The following CNTNAP5 variants were observed in gnomAD, a reference collection of about 807,000 sequenced individuals.
CNTNAP5 encodes the protein contactin-associated protein-like 5.
Under a neutral mutation model 150.2 loss-of-function variants are expected in CNTNAP5, and 72 were observed. The ratio of observed to expected loss-of-function variants is 0.48; its 90% CI spans 0.40 to 0.58. The LOEUF is 0.58. CNTNAP5 is among the 20% of genes least tolerant of loss of function. CNTNAP5 has a pLI of 0.00. For missense variants in CNTNAP5, 1,636 were observed against 1,626.2 expected, an observed-to-expected ratio of 1.01 and a Z score of -0.10; for synonymous variants, 672 against 619.8, an observed-to-expected ratio of 1.08 and a Z score of -1.25.
At chr2:124,680,681 G>C (rs1408258663) in intron 13 of CNTNAP5, 1 of 151,724 alleles carries the variant, frequency 6.6e-6, no homozygotes, top group Non-Finnish European at 1.5e-5. Context: ...GTTGGAAATT[G>C]GTCATTCAAT....
At chr2:124,070,276 C>T (rs1306276032) in intron 1 of CNTNAP5, among the ~76,000 whole-genome samples, 1 of 150,328 alleles carries the variant, frequency 6.7e-6, no homozygotes, top group Admixed American at 6.6e-5. Context: ...GAAGCAAAAC[C>T]ACAAAACCAC....
chr2:124,690,107 G>C (rs1053052640), intron 13 of CNTNAP5, among the ~76,000 whole-genome samples: 1 of 151,952 alleles, frequency 6.6e-6, no homozygotes, highest in Non-Finnish European at 1.5e-5. Context: ...TTAAGCACCA[G>C]TATGAATTCT....
intron 12 of CNTNAP5, among the ~76,000 whole-genome samples, chr2:124,622,129 C>G (rs1383104824): frequency 1.3e-5 from 2 of 151,960 alleles, no homozygotes; most frequent in Non-Finnish European, 2.9e-5. Flanking sequence ...GAACCCCCAC[C>G]CTTTGACAAG....
At chr2:124,882,705 G>A (rs1391529566) in intron 21 of CNTNAP5, among the ~76,000 whole-genome samples, 3 of 152,052 alleles carry the variant, frequency 2.0e-5, no homozygotes, top group East Asian at 1.9e-4. Context: ...ATATGTGTAC[G>A]TCTGTTTTCA....
At chr2:124,032,614 C>A (rs1460805203) in intron 1 of CNTNAP5, among the ~76,000 whole-genome samples, 2 of 151,922 alleles carry the variant, frequency 1.3e-5, no homozygotes, top group African/African-American at 2.4e-5. Flanking sequence ...AAATTTAAGA[C>A]CTAGGCATAT....
chr2:124,737,897 G>A (rs1680420406), intron 13 of CNTNAP5, among the ~76,000 whole-genome samples: 1 of 150,474 alleles, frequency 6.6e-6, no homozygotes, highest in Non-Finnish European at 1.5e-5. Flanking sequence ...TGTTGTTGTG[G>A]AGAGTAAATA....
chr2:124,682,849 A>G (rs17011852), intron 13 of CNTNAP5, among the ~76,000 whole-genome samples: 3,788 of 152,306 alleles, frequency 0.025, 51 homozygotes, highest in Non-Finnish European at 0.041. Context: ...ATGGAAAAGG[A>G]TGTTGGCTAA....
intron 1 of CNTNAP5, among the ~76,000 whole-genome samples, chr2:124,079,704 T>C (rs1682517317): frequency 6.6e-6 from 1 of 152,180 alleles, no homozygotes; most frequent in African/African-American, 2.4e-5. Flanking sequence ...TATGTGCGTG[T>C]GTATGAGCAT....
chr2:124,655,087 A>G (rs868175974), intron 13 of CNTNAP5, among the ~76,000 whole-genome samples: 1 of 152,004 alleles, frequency 6.6e-6, no homozygotes, highest in Non-Finnish European at 1.5e-5. Flanking sequence ...TCAACCCGCC[A>G]TCTAGGTTTT....
At chr2:124,688,055 T>C (rs952048589) in intron 13 of CNTNAP5, among the ~76,000 whole-genome samples, 2 of 152,076 alleles carry the variant, frequency 1.3e-5, no homozygotes, top group African/African-American at 4.8e-5. Context: ...CTTTATTTCC[T>C]TGTAGACATT....
chr2:124,546,905 A>T (rs1356149033), intron 10 of CNTNAP5, among the ~76,000 whole-genome samples: 1 of 152,180 alleles, frequency 6.6e-6, no homozygotes, highest in Non-Finnish European at 1.5e-5. Flanking sequence ...GATTCATTGA[A>T]GTAATTATTG....
chr2:124,325,799 G>A (rs1273573218), intron 3 of CNTNAP5, among the ~76,000 whole-genome samples: 1 of 152,112 alleles, frequency 6.6e-6, no homozygotes, highest in Non-Finnish European at 1.5e-5. Context: ...ATAGGAATCT[G>A]TTTGCCTTAA....
intron 13 of CNTNAP5, among the ~76,000 whole-genome samples, chr2:124,694,307 G>T (rs921810920): frequency 6.6e-6 from 1 of 152,082 alleles, no homozygotes; most frequent in African/African-American, 2.4e-5. Context: ...GTAATTTGCT[G>T]ACTCCAGCTT....
intron 1 of CNTNAP5, among the ~76,000 whole-genome samples, chr2:124,134,903 C>A (rs1357629385): frequency 6.6e-6 from 1 of 152,092 alleles, no homozygotes; most frequent in African/African-American, 2.4e-5. Flanking sequence ...GGCTGTGTGA[C>A]CTGAATTATA....
chr2:124,666,503 G>T (rs1678703276), intron 13 of CNTNAP5, among the ~76,000 whole-genome samples: 1 of 152,102 alleles, frequency 6.6e-6, no homozygotes, highest in African/African-American at 2.4e-5. Flanking sequence ...GGTCAGCTGT[G>T]CCTAAACTCC....
chr2:124,588,360 C>T (rs1696604103), intron 11 of CNTNAP5, among the ~76,000 whole-genome samples: 1 of 151,900 alleles, frequency 6.6e-6, no homozygotes, highest in African/African-American at 2.4e-5. Context: ...CCCAGAGATT[C>T]TGGTTTAATA....
intron 1 of CNTNAP5, among the ~76,000 whole-genome samples, chr2:124,148,673 A>G (rs1429161777): frequency 6.6e-6 from 1 of 150,420 alleles, no homozygotes; most frequent in Non-Finnish European, 1.5e-5. Flanking sequence ...AATGCATATT[A>G]TATGAGATAT....
At position 124,373,986 on chromosome 2, in the gene CNTNAP5, T is replaced by C. The variant is rs79353501; in HGVS notation, c.382-43457T>C. Among the ~76,000 whole-genome samples the C allele has an allele frequency of 2.8e-4, 42 of 152,168 alleles. No individual in the cohort carries two copies. In the East Asian group the frequency reaches 7.4e-3, roughly 27 times the overall value. The stretch of plus-strand genomic sequence containing the variant: ...TATATTTGCAGTGTGATATCACTTT[T>C]GTGTGTACATGTATATATGTGTGCA... On this transcript the variant is annotated intron_variant, in intron 3 of 23. Transcript: ENST00000682447.
intron 19 of CNTNAP5, among the ~76,000 whole-genome samples, chr2:124,845,936 A>G (rs1290908803): frequency 6.8e-6 from 1 of 147,278 alleles, no homozygotes; most frequent in Non-Finnish European, 1.5e-5. Context: ...TCAAAGAACC[A>G]GCTTTTTTTT....
Sources: gnomAD v4.1 joint callset for allele counts (sites outside exome capture counted in the v4.1 genomes callset) on GRCh38, gnomAD v4.1.1 for gene constraint, MANE v1.5 for transcripts, NCBI Gene and HGNC (gene_info 2026-07-23, HGNC 2026-07-21) for gene names.